The following ZMYM4 variants were observed in gnomAD, a reference collection of about 807,000 sequenced individuals.
The protein encoded by ZMYM4 is zinc finger MYM-type containing 4.
Under a neutral mutation model 183.2 loss-of-function variants are expected in ZMYM4, and 31 were observed. That is an observed-to-expected ratio of 0.17 (90% confidence interval 0.13 to 0.23). The LOEUF (loss-of-function observed/expected upper bound fraction) is 0.23. ZMYM4 is among the 10% of genes least tolerant of loss of function. The pLI, the probability that ZMYM4 is intolerant of heterozygous loss-of-function variation, is 1.00. For missense variants in ZMYM4, 1,273 were observed against 1,840.3 expected (o/e 0.69, Z 5.64); for synonymous variants, 592 against 631.2 (o/e 0.94, Z 0.93).
At chr1:35,288,316 A>T (rs1490397565) in intron 1 of ZMYM4, among the ~76,000 whole-genome samples, 1 of 152,192 alleles carries the variant, frequency 6.6e-6, no homozygotes, top group East Asian at 1.9e-4. Context: ...AAATGAAAAC[A>T]TGTTTATCTT....
intron 26 of ZMYM4, among the ~76,000 whole-genome samples, chr1:35,410,479 TTTATTAA>T (rs1639839423): frequency 6.6e-6 from 1 of 151,642 alleles, no homozygotes; most frequent in Middle Eastern, 3.4e-3. Flanking sequence ...TATTTATCTG[TTTATTAA>T]TTAATTTATT....
intron 1 of ZMYM4, among the ~76,000 whole-genome samples, chr1:35,275,118 A>T (rs1236995951): frequency 6.6e-6 from 1 of 152,254 alleles, no homozygotes; most frequent in Non-Finnish European, 1.5e-5. Context: ...GTTTGAGATC[A>T]TCTTAAAATA....
intron 23 of ZMYM4, among the ~76,000 whole-genome samples, chr1:35,403,320 CT>C (rs1644944952): frequency 3.9e-5 from 6 of 152,152 alleles, no homozygotes; most frequent in Admixed American, 3.9e-4. Context: ...GAGTCTCACT[CT>C]GTTGCCCAGG....
chr1:35,399,119 AG>A, intron 22 of ZMYM4, 76 bp downstream of exon 22: 2 of 1,409,724 alleles, frequency 1.4e-6, no homozygotes, highest in Non-Finnish European at 2.0e-6. Flanking sequence ...GACACTATTA[AG>A]CAGTGCCAAT....
At chr1:35,290,939 C>T (rs1029874348) in intron 1 of ZMYM4, among the ~76,000 whole-genome samples, 4 of 152,120 alleles carry the variant, frequency 2.6e-5, no homozygotes, top group Non-Finnish European at 5.9e-5. Context: ...AATTAAATTA[C>T]TGGTTCAGGC....
intron 5 of ZMYM4, among the ~76,000 whole-genome samples, chr1:35,365,200 A>AGAT: frequency 6.7e-6 from 1 of 149,450 alleles, no homozygotes; most frequent in Non-Finnish European, 1.5e-5. Context: ...TCAAGCCCTC[A>AGAT]TGGCCAGGAA....
chr1:35,315,689 T>C (rs1458475958), intron 1 of ZMYM4, among the ~76,000 whole-genome samples: 4 of 152,100 alleles, frequency 2.6e-5, no homozygotes, highest in Admixed American at 2.0e-4. Flanking sequence ...CCCTAGCACT[T>C]TGGGAGGCTG....
chr1:35,392,164 T>G (rs1558154883), intron 15 of ZMYM4, 48 bp from the exon 16 acceptor site: 1 of 1,610,602 alleles, frequency 6.2e-7, no homozygotes, highest in East Asian at 2.2e-5. Context: ...TCTGTGTAAG[T>G]ACATATAAAT....
intron 2 of ZMYM4, among the ~76,000 whole-genome samples, chr1:35,357,977 A>G (rs1206397119): frequency 6.6e-6 from 1 of 152,206 alleles, no homozygotes; most frequent in Non-Finnish European, 1.5e-5. Context: ...AAAGTAAGAA[A>G]TAAGAGTACC....
At chr1:35,318,649 G>T (rs973271220) in intron 1 of ZMYM4, among the ~76,000 whole-genome samples, 28 of 151,946 alleles carry the variant, frequency 1.8e-4, no homozygotes, top group African/African-American at 6.8e-4. Flanking sequence ...GTAGAGACAG[G>T]GTTTTACCAT....
At chr1:35,270,220 A>G (rs1639526527) in intron 1 of ZMYM4, among the ~76,000 whole-genome samples, 1 of 152,206 alleles carries the variant, frequency 6.6e-6, no homozygotes, top group Non-Finnish European at 1.5e-5. Flanking sequence ...TCACACAGCT[A>G]GTTGCAAGGT....
intron 2 of ZMYM4, among the ~76,000 whole-genome samples, chr1:35,339,613 A>G (rs1054391397): frequency 2.6e-5 from 4 of 152,208 alleles, no homozygotes; most frequent in African/African-American, 4.8e-5. Context: ...TCCATTTTAT[A>G]TAAGAGACTT....
At chr1:35,299,263 A>G (rs1303890729) in intron 1 of ZMYM4, among the ~76,000 whole-genome samples, 2 of 152,134 alleles carry the variant, frequency 1.3e-5, no homozygotes, top group African/African-American at 4.8e-5. Context: ...TACCTTCTGG[A>G]TTGCATTGTT....
At chr1:35,393,882 C>T (rs942623122) in intron 18 of ZMYM4, 143 bp downstream of exon 18, 8 of 939,380 alleles carry the variant, frequency 8.5e-6, no homozygotes, top group East Asian at 6.1e-5. Context: ...ACAGCATCCC[C>T]GTGAGTTAGG....
At chr1:35,345,452 A>G (rs1273908442) in intron 2 of ZMYM4, among the ~76,000 whole-genome samples, 1 of 150,618 alleles carries the variant, frequency 6.6e-6, no homozygotes, top group Non-Finnish European at 1.5e-5. Context: ...CACTCCCCGT[A>G]TTACTTTTTT....
chr1:35,303,949 T>C (rs766061286), intron 1 of ZMYM4, among the ~76,000 whole-genome samples: 1 of 152,176 alleles, frequency 6.6e-6, no homozygotes, highest in Non-Finnish European at 1.5e-5. Context: ...TCTTAGTAAG[T>C]TGTGTTTATA....
At chr1:35,351,993 C>CT (rs1357304705) in intron 2 of ZMYM4, among the ~76,000 whole-genome samples, 1 of 152,146 alleles carries the variant, frequency 6.6e-6, no homozygotes, top group Non-Finnish European at 1.5e-5. Context: ...ATCACAGTCT[C>CT]TATTACACAA....
At chr1:35,347,245 G>C (rs1325041487) in intron 2 of ZMYM4, among the ~76,000 whole-genome samples, 1 of 152,190 alleles carries the variant, frequency 6.6e-6, no homozygotes, top group African/African-American at 2.4e-5. Context: ...GACCTCAGGT[G>C]ATCCACCGGC....
chr1:35,359,370 T>C lies in ZMYM4; in HGVS notation c.531T>C (p.Tyr177=), dbSNP rs1434124399. ...SGKEKNRDLT[Y]EREKRLDKPH... ...AGGAGAAAAATAGAGACCTAACTTA[T>C]GAACGTGAAAAACGGTTGGATAAAC... Residue 177 remains tyrosine (Y), a synonymous_variant, in exon 3 of 30, where the codon TAT becomes TAC. Coordinates refer to ENST00000314607, the MANE Select transcript of ZMYM4 (RefSeq NM_005095.3). The C allele has an allele frequency of 1.2e-6, 2 of 1,601,622 alleles. No homozygotes were observed. Among genetic ancestry groups the C allele is most frequent in the South Asian group, 1.1e-5 (1 of 87,542 alleles).
Sources: gnomAD v4.1 joint callset for allele counts (sites outside exome capture counted in the v4.1 genomes callset) on GRCh38, gnomAD v4.1.1 for gene constraint, MANE v1.5 for transcripts, NCBI Gene and HGNC (gene_info 2026-07-23, HGNC 2026-07-21) for gene names.